Variants in BNC2 observed in about 807,000 individuals in gnomAD.
BNC2 encodes the protein basonuclin zinc finger protein 2.
A neutral mutation model predicts 76.3 loss-of-function variants in BNC2; 20 were observed. That is an observed-to-expected ratio of 0.26 (90% CI 0.18 to 0.38). The LOEUF (loss-of-function observed/expected upper bound fraction) is 0.38, where lower values mean the gene tolerates loss of function less well. Among genes scored for constraint, BNC2 ranks in the 10% least tolerant of loss-of-function variants. The pLI is 1.00. For missense variants in BNC2, 1,382 were observed against 1,399.8 expected, an observed-to-expected ratio of 0.99 and a Z score of 0.20; for synonymous variants, 582 against 514.8, an observed-to-expected ratio of 1.13 and a Z score of -1.77.
chr9:16,835,998 C>T (rs1438382351), intron 1 of BNC2, among the ~76,000 whole-genome samples: 1 of 152,130 alleles, frequency 6.6e-6, no homozygotes, highest in African/African-American at 2.4e-5. Context: ...TCTATTTCAC[C>T]CCACTCAGCA....
chr9:16,858,315 G>A (rs1049580416), intron 1 of BNC2, among the ~76,000 whole-genome samples: 1 of 152,102 alleles, frequency 6.6e-6, no homozygotes, highest in African/African-American at 2.4e-5. Flanking sequence ...TGATAATTAA[G>A]AAACATCAAA....
At chr9:16,463,848 C>A (rs942089936) in intron 5 of BNC2, among the ~76,000 whole-genome samples, 19 of 151,902 alleles carry the variant, frequency 1.3e-4, no homozygotes, top group Admixed American at 2.6e-4. Flanking sequence ...GTAATCCCAG[C>A]ACTTCGGGAG....
At chr9:16,827,473 G>C (rs915760403) in intron 1 of BNC2, among the ~76,000 whole-genome samples, 48 of 152,076 alleles carry the variant, frequency 3.2e-4, no homozygotes, top group South Asian at 4.1e-4. Context: ...CAATTGCTTG[G>C]GTGAGTCCAG....
At chr9:16,751,182 C>T (rs1825181165) in intron 1 of BNC2, among the ~76,000 whole-genome samples, 2 of 149,990 alleles carry the variant, frequency 1.3e-5, no homozygotes, top group South Asian at 4.2e-4. Context: ...TAAAAAAAAA[C>T]TACAAAACTG....
intron 3 of BNC2, among the ~76,000 whole-genome samples, chr9:16,657,187 G>A (rs1263090727): frequency 6.6e-6 from 1 of 152,024 alleles, no homozygotes; most frequent in African/African-American, 2.4e-5. Flanking sequence ...ATGGGAATGA[G>A]TACAACTACC....
chr9:16,558,722 A>C (rs1006349950), intron 4 of BNC2, among the ~76,000 whole-genome samples: 10 of 152,196 alleles, frequency 6.6e-5, no homozygotes, highest in African/African-American at 2.4e-4. Context: ...TGAGGTTAGG[A>C]GTTCGAGACC....
At chr9:16,741,893 G>T (rs571035113) in intron 1 of BNC2, among the ~76,000 whole-genome samples, 1 of 142,264 alleles carries the variant, frequency 7.0e-6, no homozygotes, top group Non-Finnish European at 1.5e-5. Context: ...AGGAGGTGGA[G>T]GTTGCAGTGA....
chr9:16,539,175 A>G (rs1451056820), intron 5 of BNC2, among the ~76,000 whole-genome samples: 1 of 152,066 alleles, frequency 6.6e-6, no homozygotes, highest in Non-Finnish European at 1.5e-5. Context: ...ATTTTCCTGA[A>G]TCCTCAAAAC....
chr9:16,427,168 T>C (rs1271268409), intron 6 of BNC2, among the ~76,000 whole-genome samples: 3 of 152,228 alleles, frequency 2.0e-5, no homozygotes, highest in African/African-American at 4.8e-5. Flanking sequence ...TGCTAAGCCT[T>C]TTCCAAGGAG....
At chr9:16,730,507 T>G (rs931982056) in intron 2 of BNC2, among the ~76,000 whole-genome samples, 1 of 152,232 alleles carries the variant, frequency 6.6e-6, no homozygotes, top group African/African-American at 2.4e-5. Context: ...AGAAGCAGTT[T>G]ATTAAGACAC....
Position 16,532,021 on chromosome 9 carries a change from A to G in BNC2, c.669+20509T>C, listed in dbSNP as rs187944627. ...TTATCTCAGTTGCTAACGCATATTA[A>G]ATTTTTAAAGATTTAAGTTCTTTTT... On this transcript the variant is annotated intron_variant, in intron 5 of 6. Transcript: ENST00000380672. Among the ~76,000 whole-genome samples, 11 of 150,944 alleles carry G rather than the reference A, an allele frequency of 7.3e-5. No individual in the cohort carries two copies. The East Asian group carries it at 1.9e-3, about 26-fold the overall frequency.
intron 3 of BNC2, among the ~76,000 whole-genome samples, chr9:16,632,313 T>TC (rs775955152): frequency 2.4e-4 from 37 of 152,284 alleles, no homozygotes; most frequent in South Asian, 4.1e-4. Context: ...CTCCAGGAGT[T>TC]CACTTTCCGT....
Position 16,419,376 on chromosome 9 carries a change from G to A in BNC2, c.2913C>T (p.Ser971=), listed in dbSNP as rs570920964. Residue 971 remains serine, a synonymous_variant, in exon 7 of 7, where the codon AGC becomes AGT. Coordinates refer to ENST00000380672, the MANE Select transcript of BNC2 (RefSeq NM_017637.6). ...DLSTTSSLQS[S]SSIHSSRESD... is the part of the protein sequence containing the mutation. ...ATTCTCTGGAGGAATGGATACTGCT[G>A]CTGGACTGGAGGCTGGAGGTGGTGC... is the stretch of plus-strand genomic sequence containing the variant. 6.9e-6 allele frequency: 11 copies of A among 1,604,936 alleles called. No homozygotes were observed. The highest frequency in any genetic ancestry group is 9.4e-6 in the Non-Finnish European group (11 of 1,174,960).
chr9:16,726,136 G>A (rs771376011), intron 3 of BNC2, among the ~76,000 whole-genome samples: 37 of 152,182 alleles, frequency 2.4e-4, no homozygotes, highest in Non-Finnish European at 4.3e-4. Flanking sequence ...GAGCCACCCA[G>A]GCAGGGATGC....
chr9:16,522,781 C>T (rs932815297), intron 5 of BNC2, among the ~76,000 whole-genome samples: 1 of 152,186 alleles, frequency 6.6e-6, no homozygotes, highest in Non-Finnish European at 1.5e-5. Flanking sequence ...TTCTCTTAAA[C>T]ATCCACCGAT....
intron 1 of BNC2, among the ~76,000 whole-genome samples, chr9:16,815,175 G>C (rs1818153059): frequency 6.6e-6 from 1 of 152,158 alleles, no homozygotes; most frequent in African/African-American, 2.4e-5. Flanking sequence ...CAAAGTCAAG[G>C]AGATAGAGGA....
chr9:16,815,636 G>C (rs976056893), intron 1 of BNC2, among the ~76,000 whole-genome samples: 1 of 152,142 alleles, frequency 6.6e-6, no homozygotes, highest in Non-Finnish European at 1.5e-5. Context: ...TAATACTCTG[G>C]TTAACCATAA....
chr9:16,605,499 C>T (rs1254845640), intron 3 of BNC2, among the ~76,000 whole-genome samples: 1 of 152,222 alleles, frequency 6.6e-6, no homozygotes, highest in Non-Finnish European at 1.5e-5. Context: ...ACTCTCTAAA[C>T]CACTATGCTT....
intron 1 of BNC2, among the ~76,000 whole-genome samples, chr9:16,838,630 A>C (rs1046285769): frequency 1.3e-5 from 2 of 152,180 alleles, no homozygotes; most frequent in African/African-American, 4.8e-5. Context: ...AAAACTGATC[A>C]CCACAGAATC....
Sources: gnomAD v4.1 joint callset for allele counts (sites outside exome capture counted in the v4.1 genomes callset) on GRCh38, gnomAD v4.1.1 for gene constraint, MANE v1.5 for transcripts, NCBI Gene and HGNC (gene_info 2026-07-23, HGNC 2026-07-21) for gene names.